DCAF8L2: variants seen among roughly 807,000 people sequenced by gnomAD.
DCAF8L2 encodes DDB1 and CUL4 associated factor 8 like 2.
For missense variants in DCAF8L2, 430 were observed against 490.7 expected, an observed-to-expected ratio of 0.88 and a Z score of 1.17; for synonymous variants, 200 against 190.9, an observed-to-expected ratio of 1.05 and a Z score of -0.39.
the DCAF8L2 span, among the ~76,000 whole-genome samples, chrX:27,503,734 T>C: frequency 9.0e-6 from 1 of 111,485 alleles, no homozygotes; most frequent in Admixed American, 9.6e-5. Context: ...CTACTTCTTT[T>C]CTCAGACTTG....
In DCAF8L2 at chrX:27,747,879, T is replaced by C. The variant is rs1236143106; in HGVS notation, c.984T>C (p.Pro328=). 1 of 1,210,430 alleles carries C rather than the reference T, an allele frequency of 8.3e-7. No homozygotes were observed. Among genetic ancestry groups the C allele is most frequent in the South Asian group, 1.8e-5 (1 of 56,704 alleles). The change falls in exon 5 of 5, where the codon CCT becomes CCC. Residue 328 remains proline, a synonymous_variant. Transcript: ENST00000451261. ...CTGCCCACAAGTTGGCTCTGGAGCC[T>C]GACTCTCCTTATAAGTTCCTCACTT... The part of the protein sequence containing the change: ...RGPAHKLALE[P]DSPYKFLTSG...
At chrX:27,590,950 A>G (rs895907503) in intron 1 of DCAF8L2, among the ~76,000 whole-genome samples, 3 of 99,435 alleles carry the variant, frequency 3.0e-5, no homozygotes, top group Non-Finnish European at 4.1e-5. Context: ...TGCCAGCACC[A>G]TAACACATTT....
intron 4 of DCAF8L2, among the ~76,000 whole-genome samples, chrX:27,734,594 A>G (rs940539262): frequency 9.8e-5 from 11 of 112,218 alleles, no homozygotes; most frequent in Non-Finnish European, 1.7e-4. Flanking sequence ...ACCACTCTCA[A>G]TAATAATAAC....
the DCAF8L2 span, among the ~76,000 whole-genome samples, chrX:27,571,672 A>C: frequency 1.8e-3 from 199 of 112,062 alleles, no homozygotes; most frequent in African/African-American, 6.1e-3. Flanking sequence ...ATATGGAATA[A>C]GTAATATTAT....
chrX:27,502,334 AAATATATAT>A, the DCAF8L2 span, among the ~76,000 whole-genome samples: 49 of 24,959 alleles, frequency 2.0e-3, no homozygotes, highest in African/African-American at 8.5e-3. Flanking sequence ...AAAAAAAAAA[AAATATATAT>A]ATATATATAT....
chrX:27,701,111 T>C, intron 3 of DCAF8L2, among the ~76,000 whole-genome samples: 1 of 111,679 alleles, frequency 9.0e-6, no homozygotes, highest in South Asian at 3.7e-4. Context: ...ATTTGGAAGC[T>C]TCATTATGGG....
the DCAF8L2 span, among the ~76,000 whole-genome samples, chrX:27,500,064 C>T: frequency 0.023 from 2,562 of 111,404 alleles, 85 homozygotes; most frequent in African/African-American, 0.079. Context: ...GGGCTTTTTC[C>T]TCTATGTGTT....
intron 2 of DCAF8L2, among the ~76,000 whole-genome samples, chrX:27,668,475 G>A (rs1362343074): frequency 8.9e-6 from 1 of 111,803 alleles, no homozygotes; most frequent in Non-Finnish European, 1.9e-5. Context: ...GGGTAACACT[G>A]AGTTAGTCTT....
chrX:27,701,338 G>A (rs1931122502), intron 3 of DCAF8L2, among the ~76,000 whole-genome samples: 1 of 111,028 alleles, frequency 9.0e-6, no homozygotes. Context: ...TAAAAGAACA[G>A]GAATATGTAA....
At chrX:27,529,850 G>T in the DCAF8L2 span, among the ~76,000 whole-genome samples, 1 of 111,460 alleles carries the variant, frequency 9.0e-6, no homozygotes, top group Non-Finnish European at 1.9e-5. Context: ...AAATATCTTG[G>T]GAAAAAGAGA....
In DCAF8L2 at chrX:27,740,507, C is replaced by CACTTAAAATAAAATAAAA. The variant is rs775816806; in HGVS notation, c.-58-6331_-58-6330insACTTAAAATAAAATAAAA. On this transcript the variant is annotated intron_variant, in intron 4 of 4. Coordinates refer to ENST00000451261, the MANE Select transcript of DCAF8L2 (RefSeq NM_001353450.2). ...AGCACACTTAGAATAAAATAAAGCA[C>CACTTAAAATAAAATAAAA]TATAATTCCTTATAATGGTCAACAA... Among the ~76,000 whole-genome samples, 1,059 of 111,842 alleles carry CACTTAAAATAAAATAAAA rather than the reference C, an allele frequency of 9.5e-3. 14 individuals are homozygous for CACTTAAAATAAAATAAAA. Among genetic ancestry groups the CACTTAAAATAAAATAAAA allele is most frequent in the African/African-American group, 0.032 (989 of 30,721 alleles).
the DCAF8L2 span, among the ~76,000 whole-genome samples, chrX:27,473,911 C>T: frequency 1.8e-5 from 2 of 110,520 alleles, no homozygotes; most frequent in Admixed American, 1.9e-4. Context: ...TTGCTCTGGG[C>T]GTATACTTAT....
intron 1 of DCAF8L2, among the ~76,000 whole-genome samples, chrX:27,605,801 T>G (rs1440593304): frequency 2.7e-5 from 3 of 111,551 alleles, no homozygotes; most frequent in Non-Finnish European, 5.6e-5. Flanking sequence ...TAAAATAGTG[T>G]GTAGTGCTCT....
At chrX:27,623,141 A>C (rs1927857479) in intron 1 of DCAF8L2, among the ~76,000 whole-genome samples, 2 of 111,667 alleles carry the variant, frequency 1.8e-5, no homozygotes, top group Admixed American at 1.9e-4. Context: ...AATACAGTCT[A>C]CATTTCACAC....
chrX:27,598,960 C>CAA (rs113747555), intron 1 of DCAF8L2, among the ~76,000 whole-genome samples: 62 of 82,511 alleles, frequency 7.5e-4, no homozygotes, highest in African/African-American at 2.4e-3. Flanking sequence ...GAAAGTTTCT[C>CAA]AAAAAAAAAA....
At chrX:27,745,818 A>G (rs1407610076) in intron 4 of DCAF8L2, among the ~76,000 whole-genome samples, 1 of 111,869 alleles carries the variant, frequency 8.9e-6, no homozygotes, top group Non-Finnish European at 1.9e-5. Context: ...CTGTCTCTGT[A>G]GAGCTGTTTT....
chrX:27,512,792 A>C, the DCAF8L2 span, among the ~76,000 whole-genome samples: 36 of 71,193 alleles, frequency 5.1e-4, no homozygotes, highest in East Asian at 1.1e-3. Flanking sequence ...AAAAAAAAAA[A>C]AAAAAAAAAA....
Position 27,629,928 on chromosome X carries a change from A to G in DCAF8L2, c.-341-1951A>G, listed in dbSNP as rs189230238. ...TGGACATTTTAACATCAATTATTCC[A>G]ATCTATTAAAATAGGATATATTCCC... On this transcript the variant is annotated intron_variant, in intron 1 of 4. Coordinates refer to ENST00000451261, the MANE Select transcript of DCAF8L2 (RefSeq NM_001353450.2). Among the ~76,000 whole-genome samples, 410 of 111,953 alleles carry G rather than the reference A, an allele frequency of 3.7e-3. 1 individual carries two copies. The highest frequency in any genetic ancestry group is 0.012 in the African/African-American group (372 of 30,881).
intron 2 of DCAF8L2, among the ~76,000 whole-genome samples, chrX:27,652,161 ACTGAAT>A (rs754530338): frequency 0.01 from 1,127 of 111,528 alleles, 8 homozygotes; most frequent in Non-Finnish European, 0.016. Context: ...ACAGTAGCCA[ACTGAAT>A]CTTCTATATG....
Sources: allele counts gnomAD v4.1 joint callset (sites outside exome capture counted in the v4.1 genomes callset), GRCh38; gene constraint gnomAD v4.1.1; transcripts MANE v1.5; gene names NCBI Gene and HGNC (gene_info 2026-07-23, HGNC 2026-07-21).